GK5: variants seen among roughly 807,000 people sequenced by gnomAD.
GK5 encodes ATP:glycerol 3-phosphotransferase 5.
Under a neutral mutation model 77.3 loss-of-function variants are expected in GK5, and 39 were observed. That is an observed-to-expected ratio of 0.50 (90% CI 0.39 to 0.66). The LOEUF (loss-of-function observed/expected upper bound fraction) is 0.66, where lower values mean the gene tolerates loss of function less well. Ranked by LOEUF, GK5 falls within the 30% of genes least tolerant of loss-of-function variation. GK5 has a pLI of 0.00. For missense variants in GK5, 487 were observed against 633.8 expected (o/e 0.77, Z 2.49); for synonymous variants, 211 against 208.0 (o/e 1.01, Z -0.13).
Position 142,165,626 on chromosome 3 carries a change from G to T in GK5, c.1586C>A (p.Thr529Lys). ...TTTTGATCATTTCATTTAGTGTTAT[G>T]TCTTGTTATACCAATTCATGGAGCG... Reference protein sequence around the residue: ...VKRSMNWYNKT With the variant: ...VKRSMNWYNKK The change falls in exon 16 of 16, where the codon ACA (threonine) becomes AAA (lysine). Residue 529 changes from threonine to lysine, a missense_variant. Around this residue, in one of 4 missense-constraint regions of GK5, gnomAD observed 65 missense variants for 89.9 expected, o/e 0.72. Coordinates refer to ENST00000392993, the MANE Select transcript of GK5 (RefSeq NM_001039547.3). The T allele has an allele frequency of 6.2e-7, 1 of 1,608,376 alleles. No homozygotes were observed. Among genetic ancestry groups the T allele is most frequent in the Non-Finnish European group, 8.5e-7 (1 of 1,178,102 alleles).
chr3:142,172,433 T>C lies in GK5; in HGVS notation c.1167A>G (p.Ala389=). 1 of 1,597,964 alleles carries C rather than the reference T, an allele frequency of 6.3e-7. No homozygotes were observed. Residue 389 remains alanine, a synonymous_variant, in exon 13 of 16, where the codon GCA becomes GCG. Coordinates refer to ENST00000392993, the MANE Select transcript of GK5 (RefSeq NM_001039547.3). Reference sequence around the variant, plus strand: ...GCTTCAAACCCATAAAAGAGGCACATGCCCAGGGGTCATTTAATGGAGCCT... The same window carrying C: ...GCTTCAAACCCATAAAAGAGGCACACGCCCAGGGGTCATTTAATGGAGCCT... ...GLQAPLNDPW[A]CASFMGLKPS...
At chr3:142,176,912 C>T (rs2063621119) in intron 12 of GK5, among the ~76,000 whole-genome samples, 1 of 152,016 alleles carries the variant, frequency 6.6e-6, no homozygotes, top group Non-Finnish European at 1.5e-5. Flanking sequence ...CCACCCGCCT[C>T]GGCCTCCCAA....
At chr3:142,220,240 C>CT (rs2064323294) in intron 1 of GK5, among the ~76,000 whole-genome samples, 1 of 152,124 alleles carries the variant, frequency 6.6e-6, no homozygotes, top group Admixed American at 6.5e-5. Context: ...CGGGTTCACA[C>CT]TTCTCCTGCC....
chr3:142,225,268 A>G (rs2064411385), intron 1 of GK5, 41 bp downstream of exon 1: 5 of 1,495,836 alleles, frequency 3.3e-6, no homozygotes, highest in Non-Finnish European at 4.5e-6. Flanking sequence ...GACTCAGCGA[A>G]ACCCAGTCAG....
At chr3:142,187,894 CAA>C in intron 5 of GK5, 115 bp from the exon 6 acceptor site, 2 of 690,318 alleles carry the variant, frequency 2.9e-6, no homozygotes, top group Non-Finnish European at 4.9e-6. Flanking sequence ...AATATGTACA[CAA>C]AAACATTTCT....
chr3:142,166,504 G>A (rs2063473789), intron 15 of GK5, among the ~76,000 whole-genome samples: 1 of 151,978 alleles, frequency 6.6e-6, no homozygotes, highest in Non-Finnish European at 1.5e-5. Context: ...CTCTTTGAAG[G>A]AAGGATCATA....
At chr3:142,192,320 T>C (rs1342145512) in intron 5 of GK5, among the ~76,000 whole-genome samples, 1 of 152,192 alleles carries the variant, frequency 6.6e-6, no homozygotes, top group African/African-American at 2.4e-5. Flanking sequence ...CAAAACTAAA[T>C]GCAGTCTTAC....
intron 10 of GK5, among the ~76,000 whole-genome samples, chr3:142,182,371 G>A (rs2063708739): frequency 6.7e-6 from 1 of 149,990 alleles, no homozygotes; most frequent in African/African-American, 2.5e-5. Flanking sequence ...TGGAGACAGA[G>A]TCTCACTGCA....
intron 9 of GK5, 189 bp from the exon 10 acceptor site, chr3:142,183,238 C>A (rs1216491605): frequency 2.2e-6 from 1 of 458,700 alleles, no homozygotes; most frequent in Non-Finnish European, 3.8e-6. Context: ...CTCCCTAGGA[C>A]TAATACTCTG....
intron 4 of GK5, among the ~76,000 whole-genome samples, chr3:142,202,843 G>A (rs2064047788): frequency 6.6e-6 from 1 of 152,328 alleles, no homozygotes; most frequent in African/African-American, 2.4e-5. Flanking sequence ...TGTAATCCCA[G>A]CTACCCAGGA....
intron 1 of GK5, among the ~76,000 whole-genome samples, chr3:142,220,132 A>T (rs2064321457): frequency 6.6e-6 from 1 of 152,214 alleles, no homozygotes; most frequent in African/African-American, 2.4e-5. Context: ...GGATCAGACC[A>T]GATTTTAACA....
intron 4 of GK5, among the ~76,000 whole-genome samples, chr3:142,199,180 T>C (rs1015128726): frequency 6.6e-6 from 1 of 152,144 alleles, no homozygotes; most frequent in Non-Finnish European, 1.5e-5. Flanking sequence ...AGGTACTTAT[T>C]ATAAACTTTT....
rs2108774492 is a variant in GK5, at chr3:142,159,363, T to C, written c.*6259A>G. On this transcript the variant is annotated 3_prime_UTR_variant, in exon 16 of 16. Coordinates refer to ENST00000392993, the MANE Select transcript of GK5 (RefSeq NM_001039547.3). ...AATGGGAGTCTCTATATCATTTGTT[T>C]CCTAAACATCACGGGTATCTATCTA... The C allele has an allele frequency of 6.6e-6, 1 of 152,340 alleles. No homozygotes were observed. Among genetic ancestry groups the C allele is most frequent in the East Asian group, 1.9e-4 (1 of 5,188 alleles). The allele number at this position is 152,340 out of a possible 1,614,324, so 9.4% of individuals were successfully genotyped here.
chr3:142,224,997 G>A (rs1015045918), intron 1 of GK5, among the ~76,000 whole-genome samples: 1 of 152,218 alleles, frequency 6.6e-6, no homozygotes, highest in Non-Finnish European at 1.5e-5. Flanking sequence ...AGTCACCTCA[G>A]TCCCATCCAG....
At chr3:142,207,931 G>C (rs6440068) in intron 3 of GK5, among the ~76,000 whole-genome samples, 107,155 of 152,006 alleles carry the variant, frequency 0.7, 38,299 homozygotes, top group African/African-American at 0.81. Flanking sequence ...ACTTCTTTTC[G>C]CTTTAGAGAT....
chr3:142,167,415 A>G (rs2063486301), intron 15 of GK5, among the ~76,000 whole-genome samples: 1 of 152,130 alleles, frequency 6.6e-6, no homozygotes, highest in South Asian at 2.1e-4. Flanking sequence ...AAAGGTATTA[A>G]TGTAGACAAG....
intron 4 of GK5, among the ~76,000 whole-genome samples, chr3:142,200,140 T>C (rs1295826580): frequency 2.6e-5 from 4 of 151,080 alleles, no homozygotes; most frequent in African/African-American, 7.3e-5. Flanking sequence ...CACACACACA[T>C]ACATATGGTT....
At chr3:142,186,090 G>T in intron 8 of GK5, 101 bp from the exon 9 acceptor site, 3 of 1,144,576 alleles carry the variant, frequency 2.6e-6, no homozygotes, top group South Asian at 1.3e-5. Flanking sequence ...GTTACATAAT[G>T]AACATACAAG....
chr3:142,169,660 C>T (rs986352710), intron 15 of GK5, among the ~76,000 whole-genome samples: 2 of 148,864 alleles, frequency 1.3e-5, no homozygotes, highest in African/African-American at 5.0e-5. Context: ...TAAAGCCCAC[C>T]TTACTGTTCT....
Sources: allele counts gnomAD v4.1 joint callset (sites outside exome capture counted in the v4.1 genomes callset), GRCh38; gene constraint gnomAD v4.1.1; regional missense constraint gnomAD v4.1.1; transcripts MANE v1.5; gene names NCBI Gene and HGNC (gene_info 2026-07-23, HGNC 2026-07-21).